NTRK2: variants seen among roughly 807,000 people sequenced by gnomAD.
NTRK2 encodes neurotrophic receptor tyrosine kinase 2, also known as BDNF/NT-3 growth factors receptor.
In NTRK2, 13 loss-of-function variants were observed where a neutral mutation model predicts 94.5. That is an observed-to-expected ratio of 0.14 (90% confidence interval 0.09 to 0.22). The LOEUF is 0.22. NTRK2 is among the 10% of genes least tolerant of loss of function. The pLI is 1.00. For missense variants in NTRK2, 639 were observed against 1,071.2 expected (o/e 0.60, Z 5.63); for synonymous variants, 372 against 407.4 (o/e 0.91, Z 1.05).
chr9:84,760,711 G>A (rs949028723), intron 12 of NTRK2, among the ~76,000 whole-genome samples: 2 of 152,184 alleles, frequency 1.3e-5, no homozygotes, highest in African/African-American at 4.8e-5. Context: ...GGTTTTAGCA[G>A]TTTTTCAGGG....
intron 14 of NTRK2, among the ~76,000 whole-genome samples, chr9:84,879,653 G>T (rs1254129935): frequency 6.6e-6 from 1 of 152,244 alleles, no homozygotes; most frequent in African/African-American, 2.4e-5. Flanking sequence ...TCCTGAACAA[G>T]GGGTTGTTAT....
intron 13 of NTRK2, among the ~76,000 whole-genome samples, chr9:84,863,411 A>G (rs1469184151): frequency 6.6e-6 from 1 of 152,142 alleles, no homozygotes; most frequent in Non-Finnish European, 1.5e-5. Context: ...GTGTGCACCT[A>G]CCTCGCCATT....
chr9:84,699,409 C>T (rs1250379071), intron 2 of NTRK2, among the ~76,000 whole-genome samples: 1 of 152,246 alleles, frequency 6.6e-6, no homozygotes, highest in East Asian at 1.9e-4. Flanking sequence ...TTTATTTATC[C>T]AGGGCATTCT....
intron 12 of NTRK2, among the ~76,000 whole-genome samples, chr9:84,856,312 A>G (rs1443405204): frequency 2.0e-5 from 3 of 152,166 alleles, no homozygotes; most frequent in Non-Finnish European, 2.9e-5. Context: ...TATTAAGGAT[A>G]TGTCCTTAAG....
At chr9:84,874,918 G>A (rs1439757780) in intron 14 of NTRK2, 1 of 1,055,870 alleles carries the variant, frequency 9.5e-7, no homozygotes, top group Non-Finnish European at 1.1e-6. Context: ...ATTTTTGCTA[G>A]TAAGATAGGA....
chr9:84,959,509 C>T (rs1322890691), intron 17 of NTRK2, among the ~76,000 whole-genome samples: 4 of 152,186 alleles, frequency 2.6e-5, no homozygotes, highest in African/African-American at 9.7e-5. Context: ...CGGGTGGCAG[C>T]TGTTCTTTCG....
intron 12 of NTRK2, among the ~76,000 whole-genome samples, chr9:84,758,544 A>C (rs2065273099): frequency 6.6e-6 from 1 of 152,108 alleles, no homozygotes; most frequent in African/African-American, 2.4e-5. Flanking sequence ...GGCGTGCGCT[A>C]CCACGCCCGG....
chr9:84,822,209 G>A (rs1203256090), intron 12 of NTRK2, among the ~76,000 whole-genome samples: 2 of 152,106 alleles, frequency 1.3e-5, no homozygotes, highest in Admixed American at 1.3e-4. Flanking sequence ...AATTGTCCAA[G>A]TGGAGGAAAA....
chr9:85,007,391 TA>T (rs1257307295), intron 17 of NTRK2, among the ~76,000 whole-genome samples: 1 of 152,180 alleles, frequency 6.6e-6, no homozygotes, highest in Non-Finnish European at 1.5e-5. Context: ...GCAAAGTTGC[TA>T]AGATCAAACG....
intron 17 of NTRK2, among the ~76,000 whole-genome samples, chr9:85,001,414 C>T (rs1290742233): frequency 1.3e-5 from 2 of 152,208 alleles, no homozygotes; most frequent in Non-Finnish European, 2.9e-5. Flanking sequence ...TGCCACTGGT[C>T]CTCTCAGCTC....
intron 16 of NTRK2, among the ~76,000 whole-genome samples, chr9:84,949,964 A>G (rs986071012): frequency 6.6e-6 from 1 of 152,216 alleles, no homozygotes; most frequent in Non-Finnish European, 1.5e-5. Context: ...TGAGGAGACC[A>G]TGCTGCGTGA....
intron 12 of NTRK2, among the ~76,000 whole-genome samples, chr9:84,756,017 A>G (rs999762485): frequency 2.0e-5 from 3 of 152,168 alleles, no homozygotes; most frequent in African/African-American, 7.2e-5. Flanking sequence ...AAGCCAAATA[A>G]TGCCCTTCTG....
At chr9:84,797,843 T>TTATATATTATATATACTATAATAATA (rs1491239210) in intron 12 of NTRK2, among the ~76,000 whole-genome samples, 5 of 67,332 alleles carry the variant, frequency 7.4e-5, no homozygotes, top group African/African-American at 2.6e-4. Flanking sequence ...AATATATATA[T>TTATATATTATATATACTATAATAATA]TATATATTAT....
chr9:84,934,441 C>A, intron 15 of NTRK2, 149 bp downstream of exon 15: 2 of 880,454 alleles, frequency 2.3e-6, no homozygotes, highest in Non-Finnish European at 3.6e-6. Flanking sequence ...ACTAAATGGA[C>A]AGTGGAAAGG....
At chr9:84,951,687 A>AGG in intron 16 of NTRK2, among the ~76,000 whole-genome samples, 1 of 152,144 alleles carries the variant, frequency 6.6e-6, no homozygotes, top group African/African-American at 2.4e-5. Context: ...GAGCAATTGG[A>AGG]AACCTAGCCT....
intron 17 of NTRK2, among the ~76,000 whole-genome samples, chr9:84,970,054 A>G (rs1219135600): frequency 6.6e-6 from 1 of 152,202 alleles, no homozygotes; most frequent in Non-Finnish European, 1.5e-5. Flanking sequence ...GTGATCTTGA[A>G]CAAGTGACTT....
At chr9:84,999,474 A>G (rs17088028) in intron 17 of NTRK2, among the ~76,000 whole-genome samples, 7,150 of 152,254 alleles carry the variant, frequency 0.047, 426 homozygotes, top group African/African-American at 0.14. Context: ...CTAATATTTA[A>G]TTCTTGCTCA....
chr9:84,732,094 C>CA lies in NTRK2; in HGVS notation c.1159+4141dup, dbSNP rs146179019. Among the ~76,000 whole-genome samples, 641 of 152,210 alleles carry CA rather than the reference C, an allele frequency of 4.2e-3. 13 individuals carry two copies. In the East Asian group the frequency reaches 0.043, roughly 10 times the overall value. On this transcript the variant is annotated intron_variant, in intron 9 of 18. Coordinates refer to ENST00000277120, the MANE Select transcript of NTRK2 (RefSeq NM_006180.6). ...GGTTAGTTTGGGATTGTGTTTAAGGCAAAAAATGCAAACTTTCAGCTTCAA... is the reference window on the plus strand; with the variant it reads ...GGTTAGTTTGGGATTGTGTTTAAGGCAAAAAAATGCAAACTTTCAGCTTCAA...
At chr9:84,941,632 A>G (rs1415257627) in intron 15 of NTRK2, among the ~76,000 whole-genome samples, 1 of 152,184 alleles carries the variant, frequency 6.6e-6, no homozygotes, top group Non-Finnish European at 1.5e-5. Context: ...ACCATGATCC[A>G]CCAGCTCCTT....
Sources: gnomAD v4.1 joint callset for allele counts (sites outside exome capture counted in the v4.1 genomes callset) on GRCh38, gnomAD v4.1.1 for gene constraint, MANE v1.5 for transcripts, NCBI Gene and HGNC (gene_info 2026-07-23, HGNC 2026-07-21) for gene names.